Variants in PARD6G observed in about 807,000 individuals in gnomAD.
PARD6G encodes par-6 family cell polarity regulator gamma, also known as partitioning defective 6 homolog gamma.
In PARD6G, 7 loss-of-function variants were observed where a neutral mutation model predicts 10.7. That is an observed-to-expected ratio of 0.66 (90% confidence interval 0.37 to 1.23). The LOEUF is 1.23. PARD6G is among the 50% of genes most tolerant of loss of function. The probability of loss-of-function intolerance (pLI) is 0.02; values close to 1 mark genes in which losing one functional copy is unlikely to be tolerated. For missense variants in PARD6G, 548 were observed against 571.8 expected (o/e 0.96, Z 0.42); for synonymous variants, 287 against 269.4 (o/e 1.07, Z -0.64).
intron 1 of PARD6G, among the ~76,000 whole-genome samples, chr18:80,220,744 G>A (rs1394963580): frequency 6.6e-6 from 1 of 151,910 alleles, no homozygotes; most frequent in Admixed American, 6.6e-5. Context: ...CCAAGTAGCT[G>A]GCATTACAGG....
intron 1 of PARD6G, among the ~76,000 whole-genome samples, chr18:80,204,969 TAAC>T (rs1967041946): frequency 6.6e-6 from 1 of 151,918 alleles, no homozygotes; most frequent in East Asian, 1.9e-4. Flanking sequence ...ATAATAATAA[TAAC>T]AATAGTTTGG....
chr18:80,167,316 A>C (rs562982497), intron 2 of PARD6G, among the ~76,000 whole-genome samples: 1 of 146,860 alleles, frequency 6.8e-6, no homozygotes, highest in Non-Finnish European at 1.5e-5. Flanking sequence ...ACCCGTGTGC[A>C]GGATAACACA....
chr18:80,179,411 C>T (rs1055097421), intron 2 of PARD6G, among the ~76,000 whole-genome samples: 1 of 152,164 alleles, frequency 6.6e-6, no homozygotes, highest in Non-Finnish European at 1.5e-5. Flanking sequence ...CGCCCACGCC[C>T]GCTCCCTTGC....
Position 80,182,182 on chromosome 18 carries a change from TCTC to T in PARD6G, c.295+20525_295+20527del, listed in dbSNP as rs889573597. Among the ~76,000 whole-genome samples the T allele has an allele frequency of 4.3e-4, 65 of 152,142 alleles. 4 individuals carry two copies. The highest frequency in any genetic ancestry group is 1.5e-5 in the Non-Finnish European group (1 of 68,032). ...CCTTGTCTTTGACCTTGAACTTCTG[TCTC>T]CTCCTCCCAAAATGCCTGTGACCAA... On this transcript the variant is annotated intron_variant, in intron 2 of 2. Coordinates refer to ENST00000353265, the MANE Select transcript of PARD6G (RefSeq NM_032510.4). The surrounding 1 kb of genome is among the most constrained non-coding windows in gnomAD (Gnocchi z 4.5).
chr18:80,244,066 T>C (rs1322166605), intron 1 of PARD6G, among the ~76,000 whole-genome samples: 1 of 152,160 alleles, frequency 6.6e-6, no homozygotes, highest in African/African-American at 2.4e-5. Context: ...CTTCTCCTCA[T>C]ATGAAAATTC....
At chr18:80,162,033 T>G (rs1446466776) in intron 2 of PARD6G, 1 of 152,284 alleles carries the variant, frequency 6.6e-6, no homozygotes, top group African/African-American at 2.4e-5. Context: ...AGCCCATGGC[T>G]GCCTAGACAA....
rs1967314629 is a variant in PARD6G at position 80,228,118 on chromosome 18, T to G, written c.72+19159A>C. On this transcript the variant is annotated intron_variant, in intron 1 of 2. Transcript: ENST00000353265. This position sits in a 1 kb window ranked among gnomAD's most constrained non-coding sequence, Gnocchi z 4.6. ...CTAAAAACATTTACTAAACGACAGG[T>G]GACCAGCGTGAGGCAGGCCCCACCT... 6.6e-6 allele frequency among the ~76,000 whole-genome samples: 1 copy of G among 152,138 alleles called. No individual in the cohort carries two copies. The highest frequency in any genetic ancestry group is 2.4e-5 in the African/African-American group (1 of 41,414).
chr18:80,216,187 T>G (rs2145290635), intron 1 of PARD6G, among the ~76,000 whole-genome samples: 1 of 152,230 alleles, frequency 6.6e-6, no homozygotes, highest in South Asian at 2.1e-4. Flanking sequence ...GTTGGAGACT[T>G]TAATATCCCA....
rs542104405 is a variant in PARD6G, at chr18:80,239,248, C to A, written c.72+8029G>T. Among the ~76,000 whole-genome samples, 11 of 135,618 alleles carry A rather than the reference C, an allele frequency of 8.1e-5. No homozygotes were observed. The South Asian group carries it at 2.4e-3, about 30-fold the overall frequency. 89.0% of individuals were successfully genotyped at this position (135,618 alleles called of 152,430 possible). The stretch of plus-strand genomic sequence containing the variant: ...GGGTCGAAGGTACCTGATGACACAG[C>A]TGTACCAGAAGTGCTCTGGTCCAGC... On this transcript the variant is annotated intron_variant, in intron 1 of 2. Coordinates refer to ENST00000353265, the MANE Select transcript of PARD6G (RefSeq NM_032510.4).
At chr18:80,243,747 A>G (rs1967513904) in intron 1 of PARD6G, among the ~76,000 whole-genome samples, 1 of 152,176 alleles carries the variant, frequency 6.6e-6, no homozygotes, top group Non-Finnish European at 1.5e-5. Context: ...ATGACTTTGT[A>G]GAAGAGGGAG....
intron 2 of PARD6G, 115 bp from the exon 3 acceptor site, chr18:80,160,721 C>A: frequency 3.6e-6 from 5 of 1,395,792 alleles, no homozygotes; most frequent in Non-Finnish European, 3.7e-6. Flanking sequence ...ACCCAGGGTG[C>A]ACAGGAGCAT....
rs572200089 is a variant in PARD6G, at chr18:80,207,202, T to G, written c.73-4270A>C. ...TGGATGGCTAGTGATTATCAATAAATACTTAACAGTAAATGAAAGATTCTT... is the reference window on the plus strand; with the variant it reads ...TGGATGGCTAGTGATTATCAATAAAGACTTAACAGTAAATGAAAGATTCTT... On this transcript the variant is annotated intron_variant, in intron 1 of 2. Coordinates refer to ENST00000353265, the MANE Select transcript of PARD6G (RefSeq NM_032510.4). Among the ~76,000 whole-genome samples, 3 of 93,562 alleles carry G rather than the reference T, an allele frequency of 3.2e-5. 1 individual carries two copies. Among genetic ancestry groups the G allele is most frequent in the Non-Finnish European group, 8.2e-5 (3 of 36,378 alleles). 61.4% of individuals were successfully genotyped at this position (93,562 alleles called of 152,430 possible).
chr18:80,232,519 AT>A lies in PARD6G; in HGVS notation c.72+14757del, dbSNP rs1218918377. 5.3e-5 allele frequency among the ~76,000 whole-genome samples: 8 copies of A among 152,268 alleles called. No homozygotes were observed. In the East Asian group the frequency reaches 1.5e-3, roughly 29 times the overall value. ...TGGCAGCAAGAAAAAAATGAGGAAG[AT>A]ATGAAAGTGGAAACCCCTGATAAAA... On this transcript the variant is annotated intron_variant, in intron 1 of 2. Coordinates refer to ENST00000353265, the MANE Select transcript of PARD6G (RefSeq NM_032510.4).
At chr18:80,207,619 A>G (rs941968747) in intron 1 of PARD6G, among the ~76,000 whole-genome samples, 1 of 152,220 alleles carries the variant, frequency 6.6e-6, no homozygotes, top group African/African-American at 2.4e-5. Context: ...AAACACACAT[A>G]AAATTTACCA....
chr18:80,162,307 G>C (rs562151514), intron 2 of PARD6G: 2 of 152,668 alleles, frequency 1.3e-5, no homozygotes, highest in East Asian at 3.9e-4. Flanking sequence ...TTACCCTGAC[G>C]TGATTATTAT....
rs890815947 is a variant in PARD6G, at chr18:80,208,740, TA to T, written c.73-5809del. ...CAACATAGCAAGACCTTGTTTATGT[TA>T]AAAAAAAAAATCAAATTTCCTAAAA... On this transcript the variant is annotated intron_variant, in intron 1 of 2. Transcript: ENST00000353265. 2.2e-3 allele frequency among the ~76,000 whole-genome samples: 334 copies of T among 149,186 alleles called. 2 individuals carry two copies. Among genetic ancestry groups the T allele is most frequent in the African/African-American group, 7.1e-3 (286 of 40,418 alleles).
At chr18:80,234,956 G>T (rs1158546644) in intron 1 of PARD6G, among the ~76,000 whole-genome samples, 1 of 152,074 alleles carries the variant, frequency 6.6e-6, no homozygotes, top group African/African-American at 2.4e-5. Flanking sequence ...CAACGAGACA[G>T]AAAATTAACA....
intron 1 of PARD6G, among the ~76,000 whole-genome samples, chr18:80,207,768 C>T (rs1434078912): frequency 1.3e-5 from 2 of 151,924 alleles, no homozygotes; most frequent in Non-Finnish European, 2.9e-5. Context: ...AAATAGAGCC[C>T]CAGGACCACA....
At chr18:80,236,368 A>C (rs1967422601) in intron 1 of PARD6G, among the ~76,000 whole-genome samples, 3 of 152,186 alleles carry the variant, frequency 2.0e-5, no homozygotes, top group Admixed American at 6.6e-5. Context: ...AATAAGAGCT[A>C]TCTATGACAA....
Sources: gnomAD v4.1 joint callset for allele counts (sites outside exome capture counted in the v4.1 genomes callset) on GRCh38, gnomAD v4.1.1 for gene constraint, Gnocchi (gnomAD v3.1) non-coding constraint, MANE v1.5 for transcripts, NCBI Gene and HGNC (gene_info 2026-07-23, HGNC 2026-07-21) for gene names.